The following SWI5 variants were observed in gnomAD, a reference collection of about 807,000 sequenced individuals.
The protein encoded by SWI5 is DNA repair protein SWI5 homolog.
A neutral mutation model predicts 17.0 loss-of-function variants in SWI5; 12 were observed. The observed-to-expected ratio is 0.71, with a 90% CI of 0.45 to 1.14. The LOEUF (loss-of-function observed/expected upper bound fraction) is 1.14, where lower values mean the gene tolerates loss of function less well. Ranked by LOEUF, SWI5 falls within the 50% of genes most tolerant of loss-of-function variation. SWI5 has a pLI of 0.00. For synonymous variants in SWI5, 61 were observed against 64.0 expected (o/e 0.95, Z 0.22); for missense variants, 158 against 162.2 (o/e 0.97, Z 0.14).
intron 2 of SWI5, among the ~76,000 whole-genome samples, chr9:128,281,613 T>C (rs1831540919): frequency 6.6e-6 from 1 of 152,216 alleles, no homozygotes; most frequent in African/African-American, 2.4e-5. Context: ...CATTGATAAA[T>C]ATTAATATTG....
upstream of SWI5, chr9:128,275,487 GC>G: frequency 7.7e-7 from 1 of 1,305,528 alleles, no homozygotes; most frequent in South Asian, 2.7e-5. Flanking sequence ...CCGGTTTGGG[GC>G]GGCAGGAGGT....
chr9:128,280,569 G>A (rs1395685034), intron 2 of SWI5, among the ~76,000 whole-genome samples: 1 of 150,968 alleles, frequency 6.6e-6, no homozygotes, highest in African/African-American at 2.4e-5. Context: ...GAGTGCTGGA[G>A]TACAGTGGTG....
At chr9:128,288,818 A>G (rs1039282969) in exon 5 of SWI5, 3 of 1,343,774 alleles carry the variant, frequency 2.2e-6, no homozygotes, top group Non-Finnish European at 3.2e-6. Context: ...TTCCAGCGAG[A>G]CAATGCCAGA....
rs762789885 is a variant in SWI5, at chr9:128,276,613, T to C, written c.63-94T>C. ...TGGATCCAGTCCCTGGCGCTCCTACTTCCCAACTGCTCCTCCTCCCGCATC... is the reference window on the plus strand; with the variant it reads ...TGGATCCAGTCCCTGGCGCTCCTACCTCCCAACTGCTCCTCCTCCCGCATC... On this transcript the variant is annotated intron_variant, in intron 1 of 4. Transcript: ENST00000418976. The C allele has an allele frequency of 2.5e-6, 4 of 1,611,984 alleles. No homozygotes were observed. In the South Asian group the frequency reaches 4.4e-5, roughly 18 times the overall value.
rs1287564352 is a variant in SWI5 at position 128,276,748 on chromosome 9, G to T, written c.104G>T (p.Arg35Leu). 6.2e-6 allele frequency: 10 copies of T among 1,611,592 alleles called. No homozygotes were observed. In the African/African-American group the frequency reaches 1.1e-4, roughly 17 times the overall value. Reference sequence around the variant, plus strand: ...ACCCGAAGTTGCCGCGGGGCCTTCCGATCCCCTGTGAGTATTTCTTCCCCC... The same window carrying T: ...ACCCGAAGTTGCCGCGGGGCCTTCCTATCCCCTGTGAGTATTTCTTCCCCC... Residue 35 changes from arginine to leucine, a missense_variant, in exon 2 of 5, where the codon CGA becomes CTA. Physicochemically the swap from Arg to Leu is moderately radical, Grantham distance 102. Transcript: ENST00000418976.
At chr9:128,275,557 G>A, upstream of SWI5, 1 of 1,228,380 alleles carries the variant, frequency 8.1e-7, no homozygotes, top group Non-Finnish European at 1.1e-6. Flanking sequence ...CACTGGCGAG[G>A]GCAGGGGCTG....
intron 2 of SWI5, among the ~76,000 whole-genome samples, chr9:128,277,002 C>G (rs989555074): frequency 6.6e-6 from 1 of 152,114 alleles, no homozygotes; most frequent in Non-Finnish European, 1.5e-5. Context: ...CATCCTGTCT[C>G]CTGGCTCCTC....
At chr9:128,277,572 G>A (rs1831442916) in intron 2 of SWI5, among the ~76,000 whole-genome samples, 1 of 152,148 alleles carries the variant, frequency 6.6e-6, no homozygotes, top group Admixed American at 6.5e-5. Context: ...AAAGAAGTTA[G>A]ATCGGGAAAG....
intron 1 of SWI5, 25 bp downstream of exon 1, chr9:128,276,427 T>C (rs1161916240): frequency 1.9e-6 from 3 of 1,608,976 alleles, no homozygotes; most frequent in Non-Finnish European, 1.7e-6. Flanking sequence ...GACTCCACAG[T>C]TTCTTTCCTG....
chr9:128,276,036 A>C (rs1178601785), upstream of SWI5: 23 of 1,589,496 alleles, frequency 1.4e-5, no homozygotes, highest in Non-Finnish European at 1.8e-5. Context: ...TGTGCGACGG[A>C]GCCAGAGGAG....
chr9:128,277,585 T>G (rs1395266260), intron 2 of SWI5, among the ~76,000 whole-genome samples: 1 of 152,118 alleles, frequency 6.6e-6, no homozygotes, highest in Non-Finnish European at 1.5e-5. Flanking sequence ...CGGGAAAGAC[T>G]TGGTATTTGT....
intron 2 of SWI5, among the ~76,000 whole-genome samples, chr9:128,281,343 C>CT (rs1254229111): frequency 6.6e-6 from 1 of 151,780 alleles, no homozygotes; most frequent in African/African-American, 2.4e-5. Context: ...GCCAACCATG[C>CT]TTTTTTTTCA....
At chr9:128,284,386 G>C in intron 2 of SWI5, 124 bp from the exon 3 acceptor site, 1 of 1,160,732 alleles carries the variant, frequency 8.6e-7, no homozygotes, top group Admixed American at 2.4e-5. Flanking sequence ...TGGAAATGCA[G>C]TCTTATTGAG....
At chr9:128,288,760 G>T (rs1251708631) in exon 5 of SWI5, 1 of 1,604,938 alleles carries the variant, frequency 6.2e-7, no homozygotes, top group Non-Finnish European at 8.5e-7. Flanking sequence ...GGACAGAAGG[G>T]TGTGGACATG....
upstream of SWI5, chr9:128,275,903 G>A: frequency 6.4e-7 from 1 of 1,569,096 alleles, no homozygotes; most frequent in Non-Finnish European, 8.7e-7. Flanking sequence ...CTTTTTCTTC[G>A]CTGCGGCCAA....
At chr9:128,288,513 C>T in intron 4 of SWI5, 139 bp from the exon 5 acceptor site, 1 of 862,374 alleles carries the variant, frequency 1.2e-6, no homozygotes. Flanking sequence ...GCCAGTTAGG[C>T]AAGGCACAAG....
chr9:128,283,052 C>T (rs1334026852), intron 2 of SWI5, among the ~76,000 whole-genome samples: 3 of 152,086 alleles, frequency 2.0e-5, no homozygotes, highest in African/African-American at 4.8e-5. Flanking sequence ...CAGTGGCTCA[C>T]GCCTGTAATC....
At position 128,280,505 on chromosome 9, in the gene SWI5, C is replaced by CT. The variant is rs373128791; in HGVS notation, c.111+3755dup. 5.3e-3 allele frequency among the ~76,000 whole-genome samples: 570 copies of CT among 108,200 alleles called. 9 individuals are homozygous for CT. The highest frequency in any genetic ancestry group is 0.023 in the African/African-American group (507 of 22,134). 71.0% of individuals were successfully genotyped at this position (108,200 alleles called of 152,430 possible). The stretch of plus-strand genomic sequence containing the variant: ...AGCACTACTCATGGTTGCATCTGTT[C>CT]TTTTTAAAAAAAAAAAAAAAAAAAA... On this transcript the variant is annotated intron_variant, in intron 2 of 4. Coordinates refer to ENST00000418976, the Ensembl canonical transcript of SWI5.
chr9:128,288,786 C>A, exon 5 of SWI5: 1 of 1,529,454 alleles, frequency 6.5e-7, no homozygotes, highest in Non-Finnish European at 9.1e-7. Context: ...CACTGAGAGC[C>A]CAACCAGCAC....
Sources: gnomAD v4.1 joint callset for allele counts (sites outside exome capture counted in the v4.1 genomes callset) on GRCh38, gnomAD v4.1.1 for gene constraint, MANE v1.5 for transcripts, NCBI Gene and HGNC (gene_info 2026-07-23, HGNC 2026-07-21) for gene names.